Variants in KYNU observed in about 807,000 individuals in gnomAD.
KYNU encodes kynureninase, also known as L-kynurenine hydrolase.
KYNU carries 54 observed loss-of-function variants against 59.2 expected under a neutral mutation model. That is an observed-to-expected ratio of 0.91 (90% CI 0.73 to 1.14). The LOEUF is 1.14. Among genes scored for constraint, KYNU ranks in the 50% most tolerant of loss-of-function variants. The pLI is 0.00. For synonymous variants in KYNU, 177 were observed against 192.0 expected, an observed-to-expected ratio of 0.92 and a Z score of 0.65; for missense variants, 567 against 554.4, an observed-to-expected ratio of 1.02 and a Z score of -0.23.
chr2:143,009,978 G>A (rs1459909799), intron 10 of KYNU, among the ~76,000 whole-genome samples: 1 of 132,876 alleles, frequency 7.5e-6, no homozygotes, highest in Admixed American at 7.4e-5. Context: ...AAAACTGGAA[G>A]CATTCCCTTT....
chr2:142,883,756 A>G (rs1681391009), intron 1 of KYNU, among the ~76,000 whole-genome samples: 1 of 152,166 alleles, frequency 6.6e-6, no homozygotes, highest in South Asian at 2.1e-4. Flanking sequence ...ACTCTGTCCC[A>G]TTACTCTGCT....
At chr2:142,939,691 G>A (rs761341352) in intron 4 of KYNU, among the ~76,000 whole-genome samples, 3 of 149,550 alleles carry the variant, frequency 2.0e-5, no homozygotes, top group African/African-American at 7.4e-5. Flanking sequence ...GACAAATACC[G>A]AGGAGTGACT....
intron 4 of KYNU, among the ~76,000 whole-genome samples, chr2:142,942,365 C>G (rs1683633951): frequency 1.3e-5 from 2 of 152,142 alleles, no homozygotes; most frequent in Admixed American, 1.3e-4. Flanking sequence ...ATTTGTTTCT[C>G]ATCTGCATTT....
intron 10 of KYNU, among the ~76,000 whole-genome samples, chr2:143,004,733 C>T (rs573873738): frequency 1.3e-5 from 2 of 152,156 alleles, no homozygotes; most frequent in Non-Finnish European, 2.9e-5. Context: ...TTCATTTTTC[C>T]TCCCGAGCAT....
Position 143,047,643 on chromosome 2 carries a change from T to G in KYNU, c.*5471T>G, listed in dbSNP as rs1296748225. 1 of 151,904 alleles carries G rather than the reference T, an allele frequency of 6.6e-6. No homozygotes were observed. Among genetic ancestry groups the G allele is most frequent in the African/African-American group, 2.4e-5 (1 of 41,342 alleles). 9.4% of individuals were successfully genotyped at this position (151,904 alleles called of 1,614,324 possible). A position where few individuals can be genotyped will look rare whatever the true frequency, so the allele number is the denominator to read the frequency against. The stretch of plus-strand genomic sequence containing the variant: ...ATCATAGCTCACTGCAACCTCCAAC[T>G]CAAACACTTGAGTGATCCTCTGTCC... On this transcript the variant is annotated 3_prime_UTR_variant, in exon 14 of 14. Transcript: ENST00000264170.
At chr2:142,951,525 A>T (rs773506078) in intron 4 of KYNU, among the ~76,000 whole-genome samples, 2 of 152,232 alleles carry the variant, frequency 1.3e-5, no homozygotes, top group African/African-American at 4.8e-5. Context: ...GACAAAAAAC[A>T]ATGAAGTGAA....
At chr2:142,999,233 C>T (rs1425885350) in intron 10 of KYNU, among the ~76,000 whole-genome samples, 1 of 152,024 alleles carries the variant, frequency 6.6e-6, no homozygotes, top group African/African-American at 2.4e-5. Context: ...TGGACTTTAA[C>T]AATAAATAAC....
chr2:142,892,887 G>T (rs1208475276), intron 2 of KYNU, among the ~76,000 whole-genome samples: 1 of 152,134 alleles, frequency 6.6e-6, no homozygotes, highest in Non-Finnish European at 1.5e-5. Context: ...TGAGAATCAG[G>T]CAGTGACAAA....
chr2:142,879,764 T>C (rs1206319711), intron 1 of KYNU: 1 of 152,248 alleles, frequency 6.6e-6, no homozygotes, highest in African/African-American at 2.4e-5. Context: ...AAAAGGATTC[T>C]GATGCCTCAG....
chr2:142,883,186 CTTTTTTTTTTTT>C (rs70997528), intron 1 of KYNU, among the ~76,000 whole-genome samples: 3 of 72,034 alleles, frequency 4.2e-5, no homozygotes, highest in African/African-American at 1.2e-4. Context: ...TCCCAAATTT[CTTTTTTTTTTTT>C]TTTTTTTTTT....
chr2:142,923,282 T>C (rs1344639849), intron 3 of KYNU, among the ~76,000 whole-genome samples: 1 of 152,250 alleles, frequency 6.6e-6, no homozygotes, highest in Non-Finnish European at 1.5e-5. Flanking sequence ...TCTATTACCA[T>C]TAATTTGCAT....
At chr2:142,924,400 C>A (rs1199883032) in intron 3 of KYNU, among the ~76,000 whole-genome samples, 1 of 152,156 alleles carries the variant, frequency 6.6e-6, no homozygotes, top group African/African-American at 2.4e-5. Context: ...AGCCACCGTC[C>A]CTGGCCTCTC....
intron 2 of KYNU, among the ~76,000 whole-genome samples, chr2:142,887,154 T>G (rs907301257): frequency 7.6e-6 from 1 of 131,448 alleles, no homozygotes; most frequent in African/African-American, 3.0e-5. Flanking sequence ...TGGGCGACAG[T>G]CCGAGGCTCC....
chr2:142,963,659 G>T (rs1255816710), intron 8 of KYNU, among the ~76,000 whole-genome samples: 1 of 152,142 alleles, frequency 6.6e-6, no homozygotes, highest in Non-Finnish European at 1.5e-5. Flanking sequence ...TAAAATTGGG[G>T]TCTGGGGAGA....
At chr2:143,028,574 G>A (rs1280295564) in intron 10 of KYNU, among the ~76,000 whole-genome samples, 3 of 150,304 alleles carry the variant, frequency 2.0e-5, no homozygotes, top group African/African-American at 7.3e-5. Context: ...GGCCAGGCGT[G>A]GTGGCTCAGG....
At chr2:142,907,740 T>C (rs1237527981) in intron 2 of KYNU, among the ~76,000 whole-genome samples, 2 of 152,244 alleles carry the variant, frequency 1.3e-5, no homozygotes, top group Non-Finnish European at 2.9e-5. Flanking sequence ...CCTCCTTCTT[T>C]TAGCCTAATT....
intron 8 of KYNU, among the ~76,000 whole-genome samples, chr2:142,972,714 C>T (rs879297808): frequency 2.0e-5 from 3 of 151,022 alleles, no homozygotes; most frequent in Admixed American, 1.3e-4. Context: ...AGCTCTCTTT[C>T]CACAGTATTG....
intron 8 of KYNU, among the ~76,000 whole-genome samples, chr2:142,970,890 C>T (rs2105123881): frequency 6.6e-6 from 1 of 152,088 alleles, no homozygotes; most frequent in South Asian, 2.1e-4. Context: ...CTTTGTGCCT[C>T]CTTGTCTTCC....
At chr2:142,902,716 T>C (rs1014793932) in intron 2 of KYNU, among the ~76,000 whole-genome samples, 6 of 152,224 alleles carry the variant, frequency 3.9e-5, no homozygotes, top group African/African-American at 1.2e-4. Flanking sequence ...GGTGGCTTGA[T>C]GGCACAAGGT....
Sources: gnomAD v4.1 joint callset for allele counts (sites outside exome capture counted in the v4.1 genomes callset) on GRCh38, gnomAD v4.1.1 for gene constraint, MANE v1.5 for transcripts, NCBI Gene and HGNC (gene_info 2026-07-23, HGNC 2026-07-21) for gene names.